The following TCP11L2 variants were observed in gnomAD, a reference collection of about 807,000 sequenced individuals.
The protein encoded by TCP11L2 is t-complex 11 like 2.
TCP11L2 carries 39 observed loss-of-function variants against 50.7 expected under a neutral mutation model. The ratio of observed to expected loss-of-function variants is 0.77; its 90% confidence interval spans 0.60 to 1.01. TCP11L2 has a LOEUF of 1.01. Among genes scored for constraint, TCP11L2 ranks in the 50% least tolerant of loss-of-function variants. TCP11L2 has a pLI of 0.00. For synonymous variants in TCP11L2, 192 were observed against 219.3 expected (o/e 0.88, Z 1.10); for missense variants, 612 against 614.7 (o/e 1.00, Z 0.05).
chr12:106,328,564 C>T (rs1299690334), intron 6 of TCP11L2, among the ~76,000 whole-genome samples: 1 of 152,026 alleles, frequency 6.6e-6, no homozygotes, highest in East Asian at 1.9e-4. Flanking sequence ...CAAAACAAAA[C>T]AAAAAACAGT....
chr12:106,317,855 A>G (rs2035159523), intron 3 of TCP11L2, among the ~76,000 whole-genome samples: 1 of 152,206 alleles, frequency 6.6e-6, no homozygotes, highest in Admixed American at 6.5e-5. Context: ...GAAGGCTTCT[A>G]TTTCACCAGT....
At chr12:106,316,538 C>G (rs1412461981) in intron 3 of TCP11L2, among the ~76,000 whole-genome samples, 1 of 152,106 alleles carries the variant, frequency 6.6e-6, no homozygotes, top group East Asian at 1.9e-4. Context: ...CCCAGACCTT[C>G]ACATGGCTCT....
At chr12:106,341,134 A>C in intron 9 of TCP11L2, 136 bp downstream of exon 9, 1 of 745,922 alleles carries the variant, frequency 1.3e-6, no homozygotes, top group African/African-American at 1.8e-5. Context: ...AATATCAAGA[A>C]ATATTAATGT....
chr12:106,302,409 C>T (rs998561022), upstream of TCP11L2, among the ~76,000 whole-genome samples: 2 of 125,920 alleles, frequency 1.6e-5, no homozygotes, highest in Admixed American at 7.4e-5. Context: ...CCCCGCTCAG[C>T]CCCCGCTCCC....
At chr12:106,341,921 C>G (rs1234676915) in intron 9 of TCP11L2, among the ~76,000 whole-genome samples, 1 of 152,146 alleles carries the variant, frequency 6.6e-6, no homozygotes, top group Admixed American at 6.5e-5. Flanking sequence ...AAAGTTAAGC[C>G]TGAGACATGT....
upstream of TCP11L2, among the ~76,000 whole-genome samples, chr12:106,302,499 C>G (rs1310796480): frequency 6.6e-6 from 1 of 151,054 alleles, no homozygotes; most frequent in Non-Finnish European, 1.5e-5. Context: ...GGCCTCAGTT[C>G]CGTAAACACT....
chr12:106,321,253 A>G (rs1042765014), intron 4 of TCP11L2, among the ~76,000 whole-genome samples: 3 of 152,210 alleles, frequency 2.0e-5, no homozygotes, highest in African/African-American at 7.2e-5. Flanking sequence ...TTATTCTGAC[A>G]GGAGCAGGAG....
chr12:106,326,836 C>CTAAA (rs2035565083), intron 6 of TCP11L2, among the ~76,000 whole-genome samples: 1 of 152,158 alleles, frequency 6.6e-6, no homozygotes, highest in Non-Finnish European at 1.5e-5. Context: ...ATCTGGATAG[C>CTAAA]CAGTTATCTA....
At chr12:106,329,959 T>C (rs986132301) in intron 6 of TCP11L2, 1 of 985,628 alleles carries the variant, frequency 1.0e-6, no homozygotes, top group Non-Finnish European at 1.2e-6. Flanking sequence ...ACTCATAAAT[T>C]ATCCCTGCTC....
At chr12:106,328,352 T>G (rs2035628737) in intron 6 of TCP11L2, among the ~76,000 whole-genome samples, 1 of 152,238 alleles carries the variant, frequency 6.6e-6, no homozygotes, top group Non-Finnish European at 1.5e-5. Context: ...GAGACCATCC[T>G]GGCCAACATG....
At chr12:106,313,631 A>G (rs1043051583) in intron 2 of TCP11L2, among the ~76,000 whole-genome samples, 2 of 140,618 alleles carry the variant, frequency 1.4e-5, no homozygotes, top group South Asian at 4.5e-4. Context: ...TACGGTTTTA[A>G]AAATCAGTTA....
intron 9 of TCP11L2, among the ~76,000 whole-genome samples, chr12:106,341,338 C>T (rs1164386812): frequency 6.6e-6 from 1 of 152,164 alleles, no homozygotes; most frequent in Non-Finnish European, 1.5e-5. Context: ...ATGAGTTCTG[C>T]TGTGAGCAGC....
intron 3 of TCP11L2, among the ~76,000 whole-genome samples, chr12:106,316,802 T>C (rs1191730737): frequency 6.6e-6 from 1 of 152,224 alleles, no homozygotes; most frequent in Non-Finnish European, 1.5e-5. Flanking sequence ...GCCCTACACA[T>C]ATTGGATGTT....
chr12:106,314,471 C>G lies in TCP11L2; in HGVS notation c.271C>G (p.Gln91Glu), dbSNP rs867693572. The change falls in exon 3 of 10, where the codon CAA becomes GAA. Residue 91 changes from glutamine to glutamate, a missense_variant. Physicochemically the swap from Gln to Glu is conservative, Grantham distance 29 (BLOSUM62 2). Coordinates refer to ENST00000299045, the MANE Select transcript of TCP11L2 (RefSeq NM_152772.3). Reference protein sequence around the residue: ...IAVNENFQLKQEALPEKSLAG... With the variant: ...IAVNENFQLKEEALPEKSLAG... The stretch of plus-strand genomic sequence containing the variant: ...TGTAAATGAGAACTTTCAATTGAAA[C>G]AAGAGGCTCTCCCAGAAAAGAGGTA... 1 of 1,605,372 alleles carries G rather than the reference C, an allele frequency of 6.2e-7. No homozygotes were observed. Among genetic ancestry groups the G allele is most frequent in the African/African-American group, 1.3e-5 (1 of 74,234 alleles).
intron 6 of TCP11L2, among the ~76,000 whole-genome samples, chr12:106,327,471 C>G (rs938553473): frequency 2.6e-5 from 4 of 152,204 alleles, no homozygotes; most frequent in African/African-American, 9.7e-5. Context: ...TGAGCCACTG[C>G]ACCTGGCTTG....
intron 6 of TCP11L2, among the ~76,000 whole-genome samples, chr12:106,330,878 T>C (rs147101128): frequency 6.6e-6 from 1 of 152,212 alleles, no homozygotes; most frequent in Non-Finnish European, 1.5e-5. Context: ...AAGGGAACTC[T>C]GCTAATAATA....
At chr12:106,321,027 A>G (rs2035315603) in intron 4 of TCP11L2, among the ~76,000 whole-genome samples, 1 of 152,064 alleles carries the variant, frequency 6.6e-6, no homozygotes, top group South Asian at 2.1e-4. Context: ...TTAATATTAG[A>G]AGTGTTTGGG....
At chr12:106,311,330 C>T (rs567335847) in intron 2 of TCP11L2, 98 bp downstream of exon 2, 1 of 1,383,576 alleles carries the variant, frequency 7.2e-7, no homozygotes. Context: ...AACAGACTTC[C>T]CCTCCTTTCT....
At chr12:106,344,603 G>C (rs2136844539) in intron 9 of TCP11L2, among the ~76,000 whole-genome samples, 1 of 152,302 alleles carries the variant, frequency 6.6e-6, no homozygotes, top group East Asian at 1.9e-4. Flanking sequence ...ACAAGTTCTA[G>C]GTCAGACCTA....
Sources: gnomAD v4.1 joint callset for allele counts (sites outside exome capture counted in the v4.1 genomes callset) on GRCh38, gnomAD v4.1.1 for gene constraint, MANE v1.5 for transcripts, NCBI Gene and HGNC (gene_info 2026-07-23, HGNC 2026-07-21) for gene names.